The following MAPK10 variants were observed in gnomAD, a reference collection of about 807,000 sequenced individuals.
MAPK10 encodes the protein mitogen-activated protein kinase 10.
MAPK10 carries 25 observed loss-of-function variants against 59.3 expected under a neutral mutation model. That is an observed-to-expected ratio of 0.42 (90% CI 0.31 to 0.59). The LOEUF is 0.59. Among genes scored for constraint, MAPK10 ranks in the 20% least tolerant of loss-of-function variants. The pLI, the probability that MAPK10 is intolerant of heterozygous loss-of-function variation, is 0.15. For missense variants in MAPK10, 351 were observed against 568.9 expected (o/e 0.62, Z 3.90); for synonymous variants, 190 against 200.5 (o/e 0.95, Z 0.44).
intron 1 of MAPK10, among the ~76,000 whole-genome samples, chr4:86,477,587 A>G (rs1302484722): frequency 6.6e-6 from 1 of 152,148 alleles, no homozygotes; most frequent in East Asian, 1.9e-4. Flanking sequence ...CCCATCCCAC[A>G]GCACGCTTTA....
chr4:86,313,809 C>A (rs1360074755), intron 2 of MAPK10, among the ~76,000 whole-genome samples: 1 of 152,068 alleles, frequency 6.6e-6, no homozygotes, highest in East Asian at 1.9e-4. Context: ...CAGTATCTTC[C>A]AAACCTAAAC....
chr4:86,210,553 G>A (rs1316224349), intron 2 of MAPK10, among the ~76,000 whole-genome samples: 1 of 151,886 alleles, frequency 6.6e-6, no homozygotes, highest in Non-Finnish European at 1.5e-5. Context: ...TGAGGTGATG[G>A]ATACCCTATT....
At chr4:86,223,724 C>T (rs768937657) in intron 2 of MAPK10, among the ~76,000 whole-genome samples, 5 of 152,260 alleles carry the variant, frequency 3.3e-5, no homozygotes, top group South Asian at 2.1e-4. Context: ...GATGCTCCCT[C>T]CTCTGGTGGC....
chr4:86,042,381 T>TA (rs1414125524), intron 11 of MAPK10, among the ~76,000 whole-genome samples: 8 of 152,098 alleles, frequency 5.3e-5, no homozygotes, highest in African/African-American at 1.7e-4. Context: ...ATGCTGGGCT[T>TA]AAAACCTAGA....
At chr4:86,076,417 C>T (rs2049477663) in intron 9 of MAPK10, among the ~76,000 whole-genome samples, 1 of 152,334 alleles carries the variant, frequency 6.6e-6, no homozygotes, top group African/African-American at 2.4e-5. Flanking sequence ...TTGGCTCCTC[C>T]CCATGATTTT....
chr4:86,418,123 C>T (rs1222653723), intron 1 of MAPK10, among the ~76,000 whole-genome samples: 3 of 152,148 alleles, frequency 2.0e-5, no homozygotes, highest in South Asian at 2.1e-4. Context: ...AGTACACACT[C>T]GGTAAATGTC....
chr4:86,020,885 A>C (rs1023567407), intron 13 of MAPK10: 1 of 152,296 alleles, frequency 6.6e-6, no homozygotes, highest in Non-Finnish European at 1.5e-5. Context: ...GCAAAGAACA[A>C]AGCTTCCACA....
chr4:86,075,161 T>A, intron 9 of MAPK10, among the ~76,000 whole-genome samples: 1 of 152,170 alleles, frequency 6.6e-6, no homozygotes, highest in East Asian at 1.9e-4. Flanking sequence ...CCATCACTGA[T>A]ACCCTTTCTT....
chr4:86,426,656 A>G (rs866517674), intron 1 of MAPK10, among the ~76,000 whole-genome samples: 10 of 152,308 alleles, frequency 6.6e-5, no homozygotes, highest in Middle Eastern at 3.4e-3. Context: ...TGCATGCTAA[A>G]TATCTTTAAT....
At chr4:86,193,228 G>A (rs1378887468) in intron 3 of MAPK10, 1 of 152,618 alleles carries the variant, frequency 6.6e-6, no homozygotes, top group Non-Finnish European at 1.5e-5. Context: ...GAGGTGTGGG[G>A]TCAGGGACCC....
At chr4:86,095,588 G>C (rs2081531586) in intron 9 of MAPK10, 3 of 151,492 alleles carry the variant, frequency 2.0e-5, no homozygotes, top group Admixed American at 2.0e-4. Context: ...ATAAATGTTA[G>C]ACTAATTTCA....
intron 11 of MAPK10, among the ~76,000 whole-genome samples, chr4:86,063,102 T>C (rs2046037977): frequency 6.6e-6 from 1 of 152,188 alleles, no homozygotes; most frequent in Non-Finnish European, 1.5e-5. Flanking sequence ...TTCTCTGAAG[T>C]TTTTAAATGC....
chr4:86,216,256 CTA>C (rs377367291), intron 2 of MAPK10, among the ~76,000 whole-genome samples: 12,258 of 137,592 alleles, frequency 0.089, 1,148 homozygotes, highest in African/African-American at 0.24. Context: ...GCAAAATGTG[CTA>C]TATATATATA....
At chr4:86,071,055 T>A (rs1241881558) in intron 9 of MAPK10, among the ~76,000 whole-genome samples, 1 of 151,606 alleles carries the variant, frequency 6.6e-6, no homozygotes, top group Non-Finnish European at 1.5e-5. Flanking sequence ...CAGCACCTGT[T>A]GTTTCCTGAC....
At chr4:86,152,492 T>A (rs941281058) in intron 4 of MAPK10, 1 of 152,188 alleles carries the variant, frequency 6.6e-6, no homozygotes, top group African/African-American at 2.4e-5. Context: ...TAAATAAATT[T>A]AAATTCCATC....
intron 2 of MAPK10, among the ~76,000 whole-genome samples, chr4:86,247,740 T>C (rs184120290): frequency 1.6e-3 from 250 of 152,184 alleles, no homozygotes; most frequent in African/African-American, 5.9e-3. Context: ...TGCTTCACAG[T>C]AGAGGTGACA....
At chr4:86,454,595 G>C (rs1158083947), upstream of MAPK10, among the ~76,000 whole-genome samples, 1 of 152,010 alleles carries the variant, frequency 6.6e-6, no homozygotes, top group Admixed American at 6.6e-5. Context: ...AAAAGAGTAA[G>C]AAAATATGAA....
intron 2 of MAPK10, among the ~76,000 whole-genome samples, chr4:86,216,501 A>C (rs1278064640): frequency 1.3e-5 from 2 of 151,708 alleles, no homozygotes; most frequent in Non-Finnish European, 2.9e-5. Context: ...AAAAAGTTGA[A>C]AGAAAAACAA....
At chr4:86,574,049 T>C (rs62308405) in intron 1 of MAPK10, among the ~76,000 whole-genome samples, 1 of 152,144 alleles carries the variant, frequency 6.6e-6, no homozygotes, top group Non-Finnish European at 1.5e-5. Flanking sequence ...ATGCTATCCT[T>C]CCACCCTCCC....
Sources: gnomAD v4.1 joint callset for allele counts (sites outside exome capture counted in the v4.1 genomes callset) on GRCh38, gnomAD v4.1.1 for gene constraint, MANE v1.5 for transcripts, NCBI Gene and HGNC (gene_info 2026-07-23, HGNC 2026-07-21) for gene names.